The following CCSER1 variants were observed in gnomAD, a reference collection of about 807,000 sequenced individuals.
CCSER1 encodes the protein serine-rich coiled-coil domain-containing protein 1.
Under a neutral mutation model 82.0 loss-of-function variants are expected in CCSER1, and 41 were observed. The ratio of observed to expected loss-of-function variants is 0.50; its 90% confidence interval spans 0.39 to 0.65. CCSER1 has a LOEUF of 0.65. Ranked by LOEUF, CCSER1 falls within the 30% of genes least tolerant of loss-of-function variation. CCSER1 has a pLI of 0.00. For missense variants in CCSER1, 1,119 were observed against 1,064.2 expected, an observed-to-expected ratio of 1.05 and a Z score of -0.72; for synonymous variants, 414 against 383.9, an observed-to-expected ratio of 1.08 and a Z score of -0.92.
chr4:90,649,987 C>G (rs1356999788), intron 6 of CCSER1, among the ~76,000 whole-genome samples: 1 of 151,946 alleles, frequency 6.6e-6, no homozygotes, highest in African/African-American at 2.4e-5. Flanking sequence ...GAGGCCAAGA[C>G]GGGCAGATCA....
chr4:91,430,237 T>C (rs986455006), intron 10 of CCSER1, among the ~76,000 whole-genome samples: 1 of 152,130 alleles, frequency 6.6e-6, no homozygotes, highest in African/African-American at 2.4e-5. Context: ...TGGTATACCA[T>C]AGTATTTCAG....
At chr4:91,135,664 A>C (rs1394881419) in intron 10 of CCSER1, among the ~76,000 whole-genome samples, 2 of 152,266 alleles carry the variant, frequency 1.3e-5, no homozygotes, top group African/African-American at 4.8e-5. Flanking sequence ...ATGCACACAC[A>C]TGAAGACATA....
chr4:91,173,593 CAAAAA>C (rs55747744), intron 10 of CCSER1, among the ~76,000 whole-genome samples: 2 of 104,732 alleles, frequency 1.9e-5, no homozygotes, highest in Non-Finnish European at 3.9e-5. Context: ...GACTCCGTCT[CAAAAA>C]AAAAAAAAAA....
intron 9 of CCSER1, among the ~76,000 whole-genome samples, chr4:91,011,282 C>T (rs1274644853): frequency 7.5e-6 from 1 of 133,954 alleles, no homozygotes; most frequent in Non-Finnish European, 1.7e-5. Context: ...GTGGCAAGGG[C>T]TGTTGGGGTC....
In CCSER1 at chr4:90,271,850, ATATATATATATATTTTTTTTTTTT is replaced by A. The variant is rs1233653464; in HGVS notation, c.-41-36392_-41-36369del. On this transcript the variant is annotated intron_variant, in intron 1 of 10. Transcript: ENST00000509176. Reference sequence around the variant, plus strand: ...TTTATATATATATATATATATATATATATATATATATATTTTTTTTTTTTTTTTTTTTTTTTTTTTAAAAGGAGG... The same window carrying A: ...TTTATATATATATATATATATATATATTTTTTTTTTTTTTTTAAAAGGAGG... Among the ~76,000 whole-genome samples, 11 of 23,124 alleles carry A rather than the reference ATATATATATATATTTTTTTTTTTT, an allele frequency of 4.8e-4. No individual in the cohort carries two copies. The African/African-American group carries it at 5.2e-3, about 11-fold the overall frequency. 15.2% of individuals were successfully genotyped at this position (23,124 alleles called of 152,430 possible). A position where few individuals can be genotyped will look rare whatever the true frequency, so the allele number is the denominator to read the frequency against.
intron 1 of CCSER1, among the ~76,000 whole-genome samples, chr4:90,163,410 A>G (rs1729845503): frequency 6.6e-6 from 1 of 152,170 alleles, no homozygotes; most frequent in Non-Finnish European, 1.5e-5. Context: ...ATAAATTCAC[A>G]TTACAAACTG....
rs1581375372 is a variant in CCSER1, at chr4:91,028,730, T to C, written c.2173-57220T>C. Among the ~76,000 whole-genome samples, 3 of 151,884 alleles carry C rather than the reference T, an allele frequency of 2.0e-5. No individual in the cohort carries two copies. In the Middle Eastern group the frequency reaches 0.01, roughly 517 times the overall value. On this transcript the variant is annotated intron_variant, in intron 9 of 10. Transcript: ENST00000509176. Reference sequence around the variant, plus strand: ...TGTCCAGAAAAAAAAAAATTAATGCTCGAAGCCCTAAACCTGGTGAATATA... The same window carrying C: ...TGTCCAGAAAAAAAAAAATTAATGCCCGAAGCCCTAAACCTGGTGAATATA...
chr4:90,188,797 A>G (rs1446723814), intron 1 of CCSER1, among the ~76,000 whole-genome samples: 1 of 151,984 alleles, frequency 6.6e-6, no homozygotes, highest in Non-Finnish European at 1.5e-5. Flanking sequence ...ATATTTGCAT[A>G]TTTATCCTGG....
intron 10 of CCSER1, among the ~76,000 whole-genome samples, chr4:91,387,204 T>G (rs1751351969): frequency 6.6e-6 from 1 of 151,946 alleles, no homozygotes; most frequent in African/African-American, 2.4e-5. Flanking sequence ...GATAAAAATA[T>G]ATACATAGAC....
chr4:91,530,253 TATCA>T (rs1760955699), intron 10 of CCSER1, among the ~76,000 whole-genome samples: 1 of 152,106 alleles, frequency 6.6e-6, no homozygotes, highest in South Asian at 2.1e-4. Context: ...AGGATTTGCC[TATCA>T]ATAAGTTAAT....
chr4:90,867,200 C>T (rs1765849196), intron 8 of CCSER1, among the ~76,000 whole-genome samples: 1 of 152,024 alleles, frequency 6.6e-6, no homozygotes, highest in African/African-American at 2.4e-5. Context: ...ACAGGCTCTT[C>T]ATAACCAAGC....
rs186615034 is a variant in CCSER1, at chr4:90,374,260, G to C, written c.1510-25776G>C. Among the ~76,000 whole-genome samples, 3 of 152,270 alleles carry C rather than the reference G, an allele frequency of 2.0e-5. No homozygotes were observed. In the East Asian group the frequency reaches 5.8e-4, roughly 29 times the overall value. On this transcript the variant is annotated intron_variant, in intron 3 of 10. Coordinates refer to ENST00000509176, the MANE Select transcript of CCSER1 (RefSeq NM_001145065.2). ...CAGTAAACATGTTGATCACATTAAT[G>C]GTCAACCAAGCAATAAATTATCCTT...
intron 7 of CCSER1, among the ~76,000 whole-genome samples, chr4:90,766,335 C>T (rs990065828): frequency 6.6e-6 from 1 of 152,132 alleles, no homozygotes; most frequent in East Asian, 1.9e-4. Context: ...ATTTTATTTA[C>T]AACTGAATTC....
chr4:90,934,748 G>A (rs1255877553), intron 9 of CCSER1, among the ~76,000 whole-genome samples: 5 of 152,014 alleles, frequency 3.3e-5, no homozygotes, highest in African/African-American at 1.2e-4. Context: ...CCTGACCAAC[G>A]TGGAGAAACC....
intron 10 of CCSER1, among the ~76,000 whole-genome samples, chr4:91,446,909 T>G (rs2149414389): frequency 6.6e-6 from 1 of 152,092 alleles, no homozygotes; most frequent in Middle Eastern, 3.4e-3. Context: ...TCGGGGTACT[T>G]TTTTCTTGAT....
chr4:90,583,082 C>T (rs190175925), intron 5 of CCSER1, among the ~76,000 whole-genome samples: 1 of 152,310 alleles, frequency 6.6e-6, no homozygotes, highest in African/African-American at 2.4e-5. Context: ...CTCAAATTAA[C>T]CACACCTACT....
rs1475107629 is a variant in CCSER1, at chr4:90,127,434, GCTCCCCACACAGTCACACT to G, written c.-437_-419del. 2.0e-5 allele frequency: 3 copies of G among 152,320 alleles called. No individual in the cohort carries two copies. Among genetic ancestry groups the G allele is most frequent in the Admixed American group, 6.5e-5 (1 of 15,272 alleles). 9.4% of individuals were successfully genotyped at this position (152,320 alleles called of 1,614,324 possible). On this transcript the variant is annotated 5_prime_UTR_variant, in exon 1 of 11. Coordinates refer to ENST00000509176, the MANE Select transcript of CCSER1 (RefSeq NM_001145065.2). ...GGCCTGCCGGGGAGGTGGATCTCGC[GCTCCCCACACAGTCACACT>G]CCGCGCACTCACACACTTGGAAGCG...
intron 7 of CCSER1, among the ~76,000 whole-genome samples, chr4:90,765,640 C>T (rs985304542): frequency 3.3e-5 from 5 of 151,992 alleles, no homozygotes; most frequent in African/African-American, 1.2e-4. Context: ...CCACTATAGA[C>T]AGGGTTGCAA....
rs1301696397 is a variant in CCSER1, at chr4:90,202,237, T to C, written c.-42+74406T>C. Among the ~76,000 whole-genome samples, 4 of 151,246 alleles carry C rather than the reference T, an allele frequency of 2.6e-5. No homozygotes were observed. The South Asian group carries it at 8.4e-4, about 32-fold the overall frequency. On this transcript the variant is annotated intron_variant, in intron 1 of 10. Transcript: ENST00000509176. ...TTTTTTGAGACTGAGTGTCGCTCTG[T>C]CACCCAAGCTGCTGGAGTGCAGTGG...
Sources: allele counts gnomAD v4.1 joint callset (sites outside exome capture counted in the v4.1 genomes callset), GRCh38; gene constraint gnomAD v4.1.1; transcripts MANE v1.5; gene names NCBI Gene and HGNC (gene_info 2026-07-23, HGNC 2026-07-21).